The following XXYLT1 variants were observed in gnomAD, a reference collection of about 807,000 sequenced individuals.
The protein encoded by XXYLT1 is UDP-xylose:alpha-xyloside alpha-1,3-xylosyltransferase.
Under a neutral mutation model 28.9 loss-of-function variants are expected in XXYLT1, and 20 were observed. The ratio of observed to expected loss-of-function variants is 0.69; its 90% CI spans 0.49 to 1.00. The LOEUF (loss-of-function observed/expected upper bound fraction) is 1.00. Among genes scored for constraint, XXYLT1 ranks in the 50% least tolerant of loss-of-function variants. The pLI, the probability that XXYLT1 is intolerant of heterozygous loss-of-function variation, is 0.00. For synonymous variants in XXYLT1, 257 were observed against 253.8 expected, an observed-to-expected ratio of 1.01 and a Z score of -0.12; for missense variants, 542 against 560.1, an observed-to-expected ratio of 0.97 and a Z score of 0.33.
intron 2 of XXYLT1, among the ~76,000 whole-genome samples, chr3:195,215,755 C>T (rs2108786530): frequency 6.6e-6 from 1 of 152,226 alleles, no homozygotes; most frequent in African/African-American, 2.4e-5. Flanking sequence ...CAACATTAGA[C>T]AGATCAAAGA....
At chr3:195,248,457 C>T (rs895781125) in intron 1 of XXYLT1, among the ~76,000 whole-genome samples, 1 of 152,148 alleles carries the variant, frequency 6.6e-6, no homozygotes. Flanking sequence ...AGGAGTTTCC[C>T]TGCACAGCTC....
rs1258582702 is a variant in XXYLT1 at position 195,271,071 on chromosome 3, C to CGCGGCGCCA, written c.-22_-14dup. 5 of 1,328,950 alleles carry CGCGGCGCCA rather than the reference C, an allele frequency of 3.8e-6. No individual in the cohort carries two copies. In the African/African-American group the frequency reaches 7.7e-5, roughly 21 times the overall value. 82.3% of individuals were successfully genotyped at this position (1,328,950 alleles called of 1,614,324 possible). ...GGAGGAGGCCCATGCGCTACGAGAC[C>CGCGGCGCCA]GCGGCGCCAGCGGTGCCAGCAACGC... On this transcript the variant is annotated 5_prime_UTR_variant, in exon 1 of 4. Transcript: ENST00000310380.
chr3:195,269,194 G>A (rs1192981291), intron 1 of XXYLT1, among the ~76,000 whole-genome samples: 1 of 152,248 alleles, frequency 6.6e-6, no homozygotes, highest in Non-Finnish European at 1.5e-5. Flanking sequence ...TATCTTCAAG[G>A]CGGTGTTTGG....
At position 195,112,187 on chromosome 3, in the gene XXYLT1, G is replaced by T. The variant is rs182928688; in HGVS notation, c.786-42076C>A. The stretch of plus-strand genomic sequence containing the variant: ...CCCATGAACTAGGAAACTGAGGCTT[G>T]CTGACATCTCAGCGACACCTGGGCA... On this transcript the variant is annotated intron_variant, in intron 3 of 3. Transcript: ENST00000310380. 1.8e-4 allele frequency among the ~76,000 whole-genome samples: 28 copies of T among 152,294 alleles called. No individual in the cohort carries two copies. In the East Asian group the frequency reaches 4.8e-3, roughly 26 times the overall value.
intron 2 of XXYLT1, among the ~76,000 whole-genome samples, chr3:195,172,484 T>G (rs75091024): frequency 0.045 from 6,895 of 152,328 alleles, 251 homozygotes; most frequent in East Asian, 0.15. Context: ...TGCAAAGTTC[T>G]AAGACATGGA....
intron 3 of XXYLT1, among the ~76,000 whole-genome samples, chr3:195,131,371 AAG>A (rs1177017180): frequency 6.6e-6 from 1 of 152,242 alleles, no homozygotes; most frequent in Non-Finnish European, 1.5e-5. Context: ...AGCACCTTAC[AAG>A]TAAGGGCAGG....
At chr3:195,229,091 T>C (rs114733597) in intron 1 of XXYLT1, among the ~76,000 whole-genome samples, 9,439 of 152,184 alleles carry the variant, frequency 0.062, 1,002 homozygotes, top group African/African-American at 0.21. Context: ...GGATTACAGG[T>C]ATGAGCCACC....
At chr3:195,103,466 T>TCCCACGCCAGCGAC (rs1159424039) in intron 3 of XXYLT1, among the ~76,000 whole-genome samples, 1 of 116,036 alleles carries the variant, frequency 8.6e-6, no homozygotes, top group African/African-American at 3.3e-5. Flanking sequence ...GTCCATCTCT[T>TCCCACGCCAGCGAC]CTGCATTTGT....
intron 1 of XXYLT1, among the ~76,000 whole-genome samples, chr3:195,250,493 G>A (rs776051524): frequency 3.8e-4 from 57 of 151,786 alleles, no homozygotes; most frequent in South Asian, 2.1e-4. Flanking sequence ...GAACCCAGGA[G>A]GCAGAGGTTG....
intron 3 of XXYLT1, among the ~76,000 whole-genome samples, chr3:195,109,997 A>G (rs1717430148): frequency 2.7e-5 from 1 of 36,828 alleles, no homozygotes; most frequent in African/African-American, 8.6e-5. Context: ...GGGTGTGTGC[A>G]TGGTGTGTGG....
At chr3:195,086,463 A>C (rs534108405) in intron 3 of XXYLT1, among the ~76,000 whole-genome samples, 1 of 152,356 alleles carries the variant, frequency 6.6e-6, no homozygotes, top group African/African-American at 2.4e-5. Context: ...CAGAGACCAC[A>C]GACCTGTAGG....
chr3:195,132,232 T>C (rs1223801161), intron 3 of XXYLT1, among the ~76,000 whole-genome samples: 2 of 152,244 alleles, frequency 1.3e-5, no homozygotes, highest in Admixed American at 6.5e-5. Context: ...AGAAATAGTA[T>C]TGGCTTTATG....
intron 2 of XXYLT1, among the ~76,000 whole-genome samples, chr3:195,216,659 G>A (rs1359997955): frequency 6.6e-6 from 1 of 150,730 alleles, no homozygotes; most frequent in Non-Finnish European, 1.5e-5. Context: ...CTGAAATTGT[G>A]GCAATAATCA....
chr3:195,204,892 C>G (rs1003742283), intron 2 of XXYLT1, among the ~76,000 whole-genome samples: 1 of 152,224 alleles, frequency 6.6e-6, no homozygotes, highest in Non-Finnish European at 1.5e-5. Context: ...ATAGACCCAG[C>G]TGGGGACAGT....
Position 195,069,862 on chromosome 3 carries a change from G to C in XXYLT1, c.1035C>G (p.Phe345Leu). The C allele has an allele frequency of 6.2e-7, 1 of 1,614,182 alleles. No homozygotes were observed. The highest frequency in any genetic ancestry group is 8.5e-7 in the Non-Finnish European group (1 of 1,180,022). The change falls in exon 4 of 4, where the codon TTC becomes TTG. Residue 345 changes from phenylalanine (F) to leucine (L), a missense_variant. Coordinates refer to ENST00000310380, the MANE Select transcript of XXYLT1 (RefSeq NM_152531.5). ...TMIGMEHPKL[F>L]HVLDCTWNRQ... Reference sequence around the variant, plus strand: ...GGTTCCAGGTACAGTCCAGCACATGGAAGAGCTTGGGGTGCTCCATGCCGA... The same window carrying C: ...GGTTCCAGGTACAGTCCAGCACATGCAAGAGCTTGGGGTGCTCCATGCCGA...
chr3:195,190,676 G>A (rs1722385333), intron 2 of XXYLT1, among the ~76,000 whole-genome samples: 1 of 151,842 alleles, frequency 6.6e-6, no homozygotes, highest in African/African-American at 2.4e-5. Context: ...AGATGTGTAA[G>A]TTTGGATAAA....
intron 3 of XXYLT1, among the ~76,000 whole-genome samples, chr3:195,143,799 TAGATAG>T (rs60885805): frequency 0.029 from 2,958 of 100,998 alleles, 141 homozygotes; most frequent in African/African-American, 0.062. Context: ...TATATATATA[TAGATAG>T]ATATATATAG....
chr3:195,222,888 T>C (rs185045412), intron 2 of XXYLT1, among the ~76,000 whole-genome samples: 63 of 152,234 alleles, frequency 4.1e-4, no homozygotes, highest in African/African-American at 1.3e-3. Context: ...TTTGCCTAAA[T>C]GTTTAAAAAG....
intron 2 of XXYLT1, among the ~76,000 whole-genome samples, chr3:195,193,286 T>TAA (rs57822506): frequency 0.036 from 4,004 of 110,956 alleles, 187 homozygotes; most frequent in African/African-American, 0.13. Context: ...AGACTCCGTC[T>TAA]AAAAAAAAAA....
Sources: gnomAD v4.1 joint callset for allele counts (sites outside exome capture counted in the v4.1 genomes callset) on GRCh38, gnomAD v4.1.1 for gene constraint, MANE v1.5 for transcripts, NCBI Gene and HGNC (gene_info 2026-07-23, HGNC 2026-07-21) for gene names.